Variants in RAD51D observed in about 807,000 individuals in gnomAD.
RAD51D encodes the protein DNA repair protein RAD51 homolog 4.
A neutral mutation model predicts 44.1 loss-of-function variants in RAD51D; 38 were observed. The observed-to-expected ratio is 0.86, with a 90% CI of 0.67 to 1.13. The LOEUF is 1.13. Ranked by LOEUF, RAD51D falls within the 50% of genes most tolerant of loss-of-function variation. The pLI is 0.00. For synonymous variants in RAD51D, 141 were observed against 166.6 expected (o/e 0.85, Z 1.18); for missense variants, 390 against 414.0 (o/e 0.94, Z 0.50).
In RAD51D at chr17:35,100,891, A is replaced by G. The variant is rs1161738692; in HGVS notation, c.*62T>C. ...CAGGTGGCAGTAAACAGCAGGCGTT[A>G]CTGGGAAGAAAAGTTGGGAGGGGTC... On this transcript the variant is annotated 3_prime_UTR_variant, in exon 10 of 10. Transcript: ENST00000345365. 3 of 1,391,958 alleles carry G rather than the reference A, an allele frequency of 2.2e-6. No individual in the cohort carries two copies. The highest frequency in any genetic ancestry group is 3.1e-6 in the Non-Finnish European group (3 of 978,682). 86.2% of individuals were successfully genotyped at this position (1,391,958 alleles called of 1,614,324 possible).
At chr17:35,104,018 C>T (rs1212880774) in intron 6 of RAD51D, among the ~76,000 whole-genome samples, 1 of 152,160 alleles carries the variant, frequency 6.6e-6, no homozygotes, top group African/African-American at 2.4e-5. Context: ...GCGGGGGTTG[C>T]AGTGAACTGA....
At position 35,106,913 on chromosome 17, in the gene RAD51D, A is replaced by C. The variant is rs8067688; in HGVS notation, c.480+75T>G. The C allele has an allele frequency of 4.5e-3, 7,251 of 1,610,074 alleles. 294 individuals carry two copies. The African/African-American group carries it at 0.085, about 19-fold the overall frequency. ...AGGCAAGGAATGACTATTCAACCCA[A>C]ATTCTTACAATGTTAAGGGATAATG... On this transcript the variant is annotated intron_variant, in intron 5 of 9. Coordinates refer to ENST00000345365, the MANE Select transcript of RAD51D (RefSeq NM_002878.4).
At chr17:35,115,980 A>AGAAAGAAAGAAAGAAG (rs2091738596) in intron 3 of RAD51D, among the ~76,000 whole-genome samples, 1 of 150,844 alleles carries the variant, frequency 6.6e-6, no homozygotes, top group African/African-American at 2.4e-5. Flanking sequence ...AAAGAAAGAA[A>AGAAAGAAAGAAAGAAG]GAAAGAAAGA....
rs1237823437 is a variant in RAD51D at position 35,116,933 on chromosome 17, TC to T, written c.263+1567del. On this transcript the variant is annotated intron_variant, in intron 3 of 9. Coordinates refer to ENST00000345365, the MANE Select transcript of RAD51D (RefSeq NM_002878.4). The stretch of plus-strand genomic sequence containing the variant: ...GTCCATCTGTTCCTCCATGCCCAAG[TC>T]CTGCCTTCTTCAGAGCATTCCTGAC... 2 of 1,612,634 alleles carry T rather than the reference TC, an allele frequency of 1.2e-6. No homozygotes were observed. The highest frequency in any genetic ancestry group is 2.7e-5 in the African/African-American group (2 of 74,910).
chr17:35,097,040 G>T lies in RAD51D; in HGVS notation c.*3913C>A, dbSNP rs1567722849. ...GATCTCAACATTAATTTCATCTGAT[G>T]TCAGACGAAGGGCATACAATAGTCC... On this transcript the variant is annotated 3_prime_UTR_variant, in exon 10 of 10. Transcript: ENST00000345365. 1 of 152,102 alleles carries T rather than the reference G, an allele frequency of 6.6e-6. No homozygotes were observed. Among genetic ancestry groups the T allele is most frequent in the Non-Finnish European group, 1.5e-5 (1 of 68,040 alleles). The allele number at this position is 152,102 out of a possible 1,614,324, so 9.4% of individuals were successfully genotyped here.
At position 35,092,525 on chromosome 17, in the gene RAD51D, T is replaced by G. The variant is rs2091463063; in HGVS notation, c.*8428A>C. On this transcript the variant is annotated 3_prime_UTR_variant, in exon 10 of 10. Coordinates refer to ENST00000345365, the MANE Select transcript of RAD51D (RefSeq NM_002878.4). ...TTACCAACAAAGAATGTAATTCCCC[T>G]GCAACATACACTTTACCAGTAGGAC... 1 of 152,168 alleles carries G rather than the reference T, an allele frequency of 6.6e-6. No homozygotes were observed. Among genetic ancestry groups the G allele is most frequent in the East Asian group, 1.9e-4 (1 of 5,194 alleles). 9.4% of individuals were successfully genotyped at this position (152,168 alleles called of 1,614,324 possible). A position where few individuals can be genotyped will look rare whatever the true frequency, so the allele number is the denominator to read the frequency against.
rs552540999 is a variant in RAD51D, at chr17:35,119,295, T to G, written c.83-123A>C. ...CCGGCAGGCCGTCTCAGGAGGCCAG[T>G]GTGAAATAACAAAGCTGCAGGAGCC... is the stretch of plus-strand genomic sequence containing the variant. On this transcript the variant is annotated intron_variant, in intron 1 of 9. Transcript: ENST00000345365. The G allele has an allele frequency of 2.6e-4, 262 of 1,009,582 alleles. 2 individuals carry two copies. The East Asian group carries it at 6.4e-3, about 25-fold the overall frequency. The allele number at this position is 1,009,582 out of a possible 1,614,324, so 62.5% of individuals were successfully genotyped here. A position where few individuals can be genotyped will look rare whatever the true frequency, so the allele number is the denominator to read the frequency against.
rs147669627 is a variant in RAD51D at position 35,100,983 on chromosome 17, C to T, written c.957G>A (p.Gln319=). 24 of 1,613,810 alleles carry T rather than the reference C, an allele frequency of 1.5e-5. No individual in the cohort carries two copies. The Admixed American group carries it at 2.8e-4, about 19-fold the overall frequency. ...TCTGATCACCCTGTAATGTGGCACT[C>T]TGCTCTGAGGTCCCCCAGGTCCCAA... ...VDIGTWGTSE[Q]SATLQGDQT is the part of the protein sequence containing the mutation. The change falls in exon 10 of 10, where the codon CAG becomes CAA. Residue 319 remains glutamine (Q), a synonymous_variant. Transcript: ENST00000345365.
At position 35,095,196 on chromosome 17, in the gene RAD51D, T is replaced by A. The variant is rs9908653; in HGVS notation, c.*5757A>T. 18,172 of 152,108 alleles carry A rather than the reference T, an allele frequency of 0.12. 2,837 individuals are homozygous for A. Among genetic ancestry groups the A allele is most frequent in the African/African-American group, 0.36 (14,779 of 41,448 alleles). The allele number at this position is 152,108 out of a possible 1,614,324, so 9.4% of individuals were successfully genotyped here. A position where few individuals can be genotyped will look rare whatever the true frequency, so the allele number is the denominator to read the frequency against. Reference sequence around the variant, plus strand: ...TGAGTTAGTCCTTTGTTAAATTAAATTTGGGGTCGGGTGTGGTGTCTCACG... The same window carrying A: ...TGAGTTAGTCCTTTGTTAAATTAAAATTGGGGTCGGGTGTGGTGTCTCACG... On this transcript the variant is annotated 3_prime_UTR_variant, in exon 10 of 10. Transcript: ENST00000345365.
intron 2 of RAD51D, 30 bp downstream of exon 2, chr17:35,119,081 A>G (rs2142476868): frequency 1.3e-6 from 2 of 1,598,070 alleles, no homozygotes; most frequent in Non-Finnish European, 1.7e-6. Context: ...AAAGACACTC[A>G]GGTTTGGAAT....
chr17:35,115,990 A>G (rs2091739277), intron 3 of RAD51D, among the ~76,000 whole-genome samples: 1 of 151,568 alleles, frequency 6.6e-6, no homozygotes, highest in African/African-American at 2.4e-5. Context: ...AGAAAGAAAG[A>G]AAGAAAGAAA....
chr17:35,111,953 T>C (rs1450453499), intron 3 of RAD51D, among the ~76,000 whole-genome samples: 4 of 152,262 alleles, frequency 2.6e-5, no homozygotes. Flanking sequence ...TCATCTTTGA[T>C]CTCTTTCATC....
intron 3 of RAD51D, among the ~76,000 whole-genome samples, chr17:35,111,338 G>A (rs2091673219): frequency 7.7e-6 from 1 of 129,586 alleles, no homozygotes; most frequent in African/African-American, 3.1e-5. Context: ...CAGGCAACAA[G>A]AGCGAAACTC....
rs761057565 is a variant in RAD51D, at chr17:35,119,108, C to A, written c.144+3G>T. ...GTTTGGAATGTGGAGATCAGGAGCTCACCTTGTAAGACAAGCCACATTTCT... is the reference window on the plus strand; with the variant it reads ...GTTTGGAATGTGGAGATCAGGAGCTAACCTTGTAAGACAAGCCACATTTCT... On this transcript the variant is annotated splice_donor_region_variant and intron_variant, in intron 2 of 9. Transcript: ENST00000345365. The A allele has an allele frequency of 9.9e-6, 16 of 1,612,458 alleles. No homozygotes were observed. In the East Asian group the frequency reaches 3.3e-4, roughly 34 times the overall value.
rs757525053 is a variant in RAD51D at position 35,100,026 on chromosome 17, C to T, written c.*927G>A. The T allele has an allele frequency of 1.5e-5, 8 of 531,286 alleles. No homozygotes were observed. Among genetic ancestry groups the T allele is most frequent in the Non-Finnish European group, 2.5e-5 (7 of 274,520 alleles). The allele number at this position is 531,286 out of a possible 1,614,324, so 32.9% of individuals were successfully genotyped here. On this transcript the variant is annotated 3_prime_UTR_variant, in exon 10 of 10. Transcript: ENST00000345365. ...GACTAGATTTGCCATGTATTATTTA[C>T]GTCAGCATCAATTTTCCCAGCTGGC...
Position 35,102,603 on chromosome 17 carries a change from T to G in RAD51D, c.738+651A>C, listed in dbSNP as rs572507552. 1.9e-4 allele frequency among the ~76,000 whole-genome samples: 28 copies of G among 148,878 alleles called. No homozygotes were observed. The East Asian group carries it at 5.5e-3, about 29-fold the overall frequency. On this transcript the variant is annotated intron_variant, in intron 8 of 9. Coordinates refer to ENST00000345365, the MANE Select transcript of RAD51D (RefSeq NM_002878.4). ...GTGATTGTGCCCCTGCACTCCAGCC[T>G]GGGAAACAGAGCGAAACCCTATCTC...
chr17:35,107,042 T>C lies in RAD51D; in HGVS notation c.426A>G (p.Thr142=), dbSNP rs1597862600. The C allele has an allele frequency of 6.2e-7, 1 of 1,614,162 alleles. No homozygotes were observed. The highest frequency in any genetic ancestry group is 8.5e-7 in the Non-Finnish European group (1 of 1,180,036). Residue 142 remains threonine (T), a synonymous_variant, in exon 5 of 10, where the codon ACA becomes ACG. Coordinates refer to ENST00000345365, the MANE Select transcript of RAD51D (RefSeq NM_002878.4). ...VLYVDSNGGL[T]ASRLLQLLQA... The stretch of plus-strand genomic sequence containing the variant: ...GAAGCAGCTGGAGGAGGCGGGAAGC[T>C]GTCAGCCCTCCATTGGAATCTACAT...
intron 1 of RAD51D, 21 bp from the exon 2 acceptor site, chr17:35,119,193 G>C (rs747577074): frequency 1.2e-6 from 2 of 1,608,334 alleles, no homozygotes; most frequent in Middle Eastern, 3.3e-4. Flanking sequence ...AACACGTATA[G>C]CGGATTGGCA....
At chr17:35,116,069 A>C (rs1597873587) in intron 3 of RAD51D, among the ~76,000 whole-genome samples, 1 of 35,198 alleles carries the variant, frequency 2.8e-5, no homozygotes, top group Non-Finnish European at 5.2e-5. Flanking sequence ...AAACTCCGAC[A>C]AAAAAAAAAA....
Sources: gnomAD v4.1 joint callset for allele counts (sites outside exome capture counted in the v4.1 genomes callset) on GRCh38, gnomAD v4.1.1 for gene constraint, MANE v1.5 for transcripts, NCBI Gene and HGNC (gene_info 2026-07-23, HGNC 2026-07-21) for gene names.